The following NLN variants were observed in gnomAD, a reference collection of about 807,000 sequenced individuals.
The protein encoded by NLN is neurolysin, also known as neurolysin, mitochondrial.
In NLN, 64 loss-of-function variants were observed where a neutral mutation model predicts 79.9. The ratio of observed to expected loss-of-function variants is 0.80; its 90% CI spans 0.65 to 0.99. NLN has a LOEUF of 0.99. Ranked by LOEUF, NLN falls within the 50% of genes least tolerant of loss-of-function variation. The probability of loss-of-function intolerance (pLI) is 0.00; values close to 1 mark genes in which losing one functional copy is unlikely to be tolerated. For missense variants in NLN, 835 were observed against 858.7 expected (o/e 0.97, Z 0.34); for synonymous variants, 267 against 296.6 (o/e 0.90, Z 1.02).
chr5:65,747,150 G>T (rs1163356048), intron 1 of NLN, among the ~76,000 whole-genome samples: 2 of 152,208 alleles, frequency 1.3e-5, no homozygotes, highest in Non-Finnish European at 2.9e-5. Context: ...GGAGTAAAGA[G>T]AAATGGATGA....
In NLN at chr5:65,810,175, T is replaced by C; in HGVS notation, c.1843+10T>C. ...GTTGCAGCTACTCCAGGTATGTAAC[T>C]ACTATGAATTGAGTTCATTTCTCTG... On this transcript the variant is annotated intron_variant, in intron 11 of 12. Coordinates refer to ENST00000380985, the MANE Select transcript of NLN (RefSeq NM_020726.5). 1 of 1,612,732 alleles carries C rather than the reference T, an allele frequency of 6.2e-7. No individual in the cohort carries two copies. Among genetic ancestry groups the C allele is most frequent in the Non-Finnish European group, 8.5e-7 (1 of 1,178,840 alleles).
At chr5:65,789,917 C>T (rs914151736) in intron 8 of NLN, among the ~76,000 whole-genome samples, 1 of 152,134 alleles carries the variant, frequency 6.6e-6, no homozygotes, top group African/African-American at 2.4e-5. Flanking sequence ...AGTGACATAA[C>T]CTCTTTGAGA....
intron 6 of NLN, among the ~76,000 whole-genome samples, 169 bp downstream of exon 6, chr5:65,781,590 C>T (rs1451260850): frequency 1.3e-5 from 2 of 152,188 alleles, no homozygotes; most frequent in African/African-American, 2.4e-5. Flanking sequence ...TGCTCATTGA[C>T]AACCTGCTTG....
intron 9 of NLN, among the ~76,000 whole-genome samples, chr5:65,794,754 A>T (rs1022744331): frequency 1.1e-4 from 17 of 152,346 alleles, no homozygotes; most frequent in African/African-American, 3.8e-4. Context: ...TTGTCCTGAC[A>T]TGTGCAGAAT....
chr5:65,724,185 A>G (rs1758400937), intron 1 of NLN, among the ~76,000 whole-genome samples: 1 of 151,912 alleles, frequency 6.6e-6, no homozygotes, highest in South Asian at 2.1e-4. Context: ...GGTACAGCCA[A>G]CACCACTGTC....
chr5:65,729,369 CT>C (rs34963968), intron 1 of NLN, among the ~76,000 whole-genome samples: 26,037 of 100,638 alleles, frequency 0.26, 2,876 homozygotes, highest in African/African-American at 0.31. Context: ...GTTTTCTTTT[CT>C]TTTTTTTTTT....
chr5:65,758,232 T>A (rs1234029603), intron 1 of NLN, among the ~76,000 whole-genome samples: 1 of 151,946 alleles, frequency 6.6e-6, no homozygotes, highest in Non-Finnish European at 1.5e-5. Flanking sequence ...TGAGACCCTG[T>A]CTTAAAAAAA....
intron 1 of NLN, among the ~76,000 whole-genome samples, chr5:65,739,045 A>ATAT (rs1470154357): frequency 1.0e-5 from 1 of 95,602 alleles, no homozygotes; most frequent in African/African-American, 3.9e-5. Flanking sequence ...ATATATAAAA[A>ATAT]ATATATATAA....
intron 1 of NLN, among the ~76,000 whole-genome samples, chr5:65,738,649 T>C (rs1458525417): frequency 6.6e-6 from 1 of 152,096 alleles, no homozygotes; most frequent in Non-Finnish European, 1.5e-5. Context: ...ACAATAGATC[T>C]TTTGAACTTA....
At chr5:65,767,795 C>A (rs1759484516) in intron 3 of NLN, among the ~76,000 whole-genome samples, 1 of 152,226 alleles carries the variant, frequency 6.6e-6, no homozygotes, top group Non-Finnish European at 1.5e-5. Flanking sequence ...ACCCAGGCCA[C>A]CTCTTGAATA....
At position 65,763,077 on chromosome 5, in the gene NLN, G is replaced by C. The variant is rs140352014; in HGVS notation, c.419G>C (p.Gly140Ala). ...SRFDIEMSMR[G>A]DIFERIVHLQ... ...TTTGATATTGAGATGAGCATGAGAG[G>C]AGATATATTTGAGAGAATTGTTCAT... Residue 140 changes from glycine to alanine, a missense_variant, in exon 3 of 13, where the codon GGA becomes GCA. Transcript: ENST00000380985. The C allele has an allele frequency of 6.2e-7, 1 of 1,613,708 alleles. No individual in the cohort carries two copies. The highest frequency in any genetic ancestry group is 1.1e-5 in the South Asian group (1 of 91,068).
At chr5:65,777,009 T>C (rs1288504252) in intron 3 of NLN, among the ~76,000 whole-genome samples, 1 of 152,220 alleles carries the variant, frequency 6.6e-6, no homozygotes, top group Non-Finnish European at 1.5e-5. Context: ...TTACCCATTA[T>C]TTCTATTCCT....
intron 1 of NLN, among the ~76,000 whole-genome samples, chr5:65,724,113 A>T (rs112754778): frequency 2.0e-4 from 17 of 84,938 alleles, no homozygotes; most frequent in East Asian, 8.2e-4. Context: ...CCTTTTTTTT[A>T]AAATTGTGGT....
intron 9 of NLN, among the ~76,000 whole-genome samples, chr5:65,802,463 G>A (rs563364613): frequency 6.6e-6 from 1 of 152,328 alleles, no homozygotes; most frequent in South Asian, 2.1e-4. Flanking sequence ...CCCAAAGAAG[G>A]TATCACAGCC....
rs73101588 is a variant in NLN, at chr5:65,794,154, G to T, written c.1527+1499G>T. On this transcript the variant is annotated intron_variant, in intron 9 of 12. Coordinates refer to ENST00000380985, the MANE Select transcript of NLN (RefSeq NM_020726.5). ...GCAGCAAGTGCAAACTGATGGAAGT[G>T]GTTTATGTTGTCAGCTCAGGTCCTA... Among the ~76,000 whole-genome samples, 906 of 152,270 alleles carry T rather than the reference G, an allele frequency of 5.9e-3. 14 individuals are homozygous for T. Among genetic ancestry groups the T allele is most frequent in the African/African-American group, 0.021 (862 of 41,544 alleles).
chr5:65,802,689 T>C (rs368696397), intron 9 of NLN, among the ~76,000 whole-genome samples: 1 of 152,174 alleles, frequency 6.6e-6, no homozygotes, highest in Non-Finnish European at 1.5e-5. Context: ...AGAGGAGCTT[T>C]ACTGAGCAAT....
At chr5:65,741,616 A>T (rs907040103) in intron 1 of NLN, among the ~76,000 whole-genome samples, 4 of 152,214 alleles carry the variant, frequency 2.6e-5, no homozygotes, top group Non-Finnish European at 2.9e-5. Flanking sequence ...TCAATTGTGA[A>T]AAGTATGCCC....
intron 12 of NLN, among the ~76,000 whole-genome samples, chr5:65,814,837 T>C (rs747297039): frequency 7.9e-5 from 12 of 152,200 alleles, no homozygotes; most frequent in Non-Finnish European, 1.0e-4. Flanking sequence ...CAATATTTAA[T>C]GTAACTATTA....
At chr5:65,737,898 G>A (rs1966568) in intron 1 of NLN, among the ~76,000 whole-genome samples, 35,880 of 151,914 alleles carry the variant, frequency 0.24, 4,336 homozygotes, top group African/African-American at 0.27. Context: ...TGGGAGGCTG[G>A]GGTGGGTGGA....
Sources: allele counts gnomAD v4.1 joint callset (sites outside exome capture counted in the v4.1 genomes callset), GRCh38; gene constraint gnomAD v4.1.1; transcripts MANE v1.5; gene names NCBI Gene and HGNC (gene_info 2026-07-23, HGNC 2026-07-21).